Variants in CACNA1C observed in about 807,000 individuals in gnomAD.
CACNA1C encodes calcium voltage-gated channel subunit alpha1 C.
In CACNA1C, 30 loss-of-function variants were observed where a neutral mutation model predicts 229.0. That is an observed-to-expected ratio of 0.13 (90% CI 0.10 to 0.18). The LOEUF (loss-of-function observed/expected upper bound fraction) is 0.18. Ranked by LOEUF, CACNA1C falls within the 10% of genes least tolerant of loss-of-function variation. The probability of loss-of-function intolerance (pLI) is 1.00; values close to 1 mark genes in which losing one functional copy is unlikely to be tolerated. For missense variants in CACNA1C, 1,658 were observed against 2,845.0 expected, an observed-to-expected ratio of 0.58 and a Z score of 9.49; for synonymous variants, 1,114 against 1,132.5, an observed-to-expected ratio of 0.98 and a Z score of 0.33.
intron 5 of CACNA1C, among the ~76,000 whole-genome samples, chr12:2,475,364 G>A (rs115056034): frequency 1.2e-3 from 185 of 152,158 alleles, no homozygotes; most frequent in South Asian, 0.011. Flanking sequence ...ATATACACAA[G>A]GAGACAAAGT....
chr12:2,561,330 G>A (rs1327124337), intron 11 of CACNA1C, among the ~76,000 whole-genome samples: 1 of 152,124 alleles, frequency 6.6e-6, no homozygotes, highest in Non-Finnish European at 1.5e-5. Context: ...TGGTGGACCC[G>A]CCCAGCACTC....
chr12:2,172,609 C>G (rs1042564109), intron 3 of CACNA1C, among the ~76,000 whole-genome samples: 2 of 152,186 alleles, frequency 1.3e-5, no homozygotes, highest in South Asian at 2.1e-4. Context: ...AGATGGCATC[C>G]AACGTTAAGA....
intron 12 of CACNA1C, among the ~76,000 whole-genome samples, chr12:2,567,307 C>T (rs2051632073): frequency 6.6e-6 from 1 of 152,210 alleles, no homozygotes; most frequent in Non-Finnish European, 1.5e-5. Flanking sequence ...ACCATCCCCA[C>T]AGGCCTGCTA....
chr12:2,199,885 A>G (rs2097533967), intron 3 of CACNA1C, among the ~76,000 whole-genome samples: 2 of 152,170 alleles, frequency 1.3e-5, no homozygotes, highest in Admixed American at 1.3e-4. Flanking sequence ...TGGCTCAAAA[A>G]TAATACCAAT....
chr12:2,669,456 C>T (rs1369142236), intron 38 of CACNA1C, among the ~76,000 whole-genome samples: 2 of 152,230 alleles, frequency 1.3e-5, no homozygotes, highest in Non-Finnish European at 2.9e-5. Context: ...GACAAGCCTG[C>T]TCTAGCTTAT....
At chr12:2,672,743 A>C (rs957642695) in intron 38 of CACNA1C, among the ~76,000 whole-genome samples, 1 of 152,218 alleles carries the variant, frequency 6.6e-6, no homozygotes, top group East Asian at 1.9e-4. Context: ...TGAAAATCCT[A>C]TTTCCAACTA....
At chr12:2,578,148 G>C (rs1175511557) in intron 13 of CACNA1C, among the ~76,000 whole-genome samples, 1 of 152,200 alleles carries the variant, frequency 6.6e-6, no homozygotes, top group Admixed American at 6.5e-5. Context: ...GATTACAGGC[G>C]TGAGCCACCG....
intron 9 of CACNA1C, among the ~76,000 whole-genome samples, chr12:2,540,368 G>T (rs1465444683): frequency 3.9e-5 from 6 of 152,164 alleles, no homozygotes; most frequent in Non-Finnish European, 7.4e-5. Flanking sequence ...AGTCACAGGA[G>T]CTCAGAAGAG....
intron 3 of CACNA1C, among the ~76,000 whole-genome samples, chr12:2,142,631 G>A (rs2094352812): frequency 6.6e-6 from 1 of 151,220 alleles, no homozygotes; most frequent in Admixed American, 6.7e-5. Context: ...TATTTTCCCC[G>A]AAGACCTTCC....
At chr12:2,480,474 G>A (rs2099671313) in intron 5 of CACNA1C, among the ~76,000 whole-genome samples, 1 of 152,206 alleles carries the variant, frequency 6.6e-6, no homozygotes, top group African/African-American at 2.4e-5. Context: ...ATGTTTGGCT[G>A]CCTACAAGCT....
chr12:2,667,624 C>G (rs1394692274), intron 37 of CACNA1C, among the ~76,000 whole-genome samples: 1 of 152,164 alleles, frequency 6.6e-6, no homozygotes, highest in Non-Finnish European at 1.5e-5. Flanking sequence ...ATGCAAGGTA[C>G]AAACACCATG....
intron 3 of CACNA1C, among the ~76,000 whole-genome samples, chr12:2,331,062 C>T (rs1390516513): frequency 6.6e-6 from 1 of 152,068 alleles, no homozygotes; most frequent in Admixed American, 6.6e-5. Context: ...CCTTAATATC[C>T]ATATTTAAAT....
chr12:2,534,111 G>C (rs567908221), intron 9 of CACNA1C, among the ~76,000 whole-genome samples: 1 of 152,206 alleles, frequency 6.6e-6, no homozygotes, highest in Admixed American at 6.5e-5. Flanking sequence ...GAGTGGTGGG[G>C]ATGGAATTCC....
At chr12:2,126,302 C>T (rs2090033671) in intron 3 of CACNA1C, among the ~76,000 whole-genome samples, 1 of 152,164 alleles carries the variant, frequency 6.6e-6, no homozygotes, top group Non-Finnish European at 1.5e-5. Context: ...AGATTTAGTG[C>T]TGTTATTGGC....
At chr12:2,684,670 G>A (rs1343069933) in intron 43 of CACNA1C, among the ~76,000 whole-genome samples, 1 of 152,154 alleles carries the variant, frequency 6.6e-6, no homozygotes, top group African/African-American at 2.4e-5. Flanking sequence ...GGCGTTCAGA[G>A]AAAGTTGAGG....
intron 3 of CACNA1C, among the ~76,000 whole-genome samples, chr12:2,409,771 C>G (rs2098785250): frequency 1.3e-5 from 2 of 152,208 alleles, no homozygotes; most frequent in African/African-American, 4.8e-5. Context: ...ACCTGTGCTC[C>G]CTTGGTGCCT....
chr12:2,236,398 G>T (rs1259084161), intron 3 of CACNA1C, among the ~76,000 whole-genome samples: 1 of 152,210 alleles, frequency 6.6e-6, no homozygotes, highest in Non-Finnish European at 1.5e-5. Context: ...ACTGCATTTG[G>T]ATAGGGAGCT....
At position 2,267,119 on chromosome 12, in the gene CACNA1C, A is replaced by G. The variant is rs186993576; in HGVS notation, c.477+146689A>G. The stretch of plus-strand genomic sequence containing the variant: ...CTGTGAGAGCAGGGGTTCTACGGGT[A>G]TTGCCCGGCGCTGTGTTTCCAAAGC... On this transcript the variant is annotated intron_variant, in intron 3 of 46. Transcript: ENST00000399655. 3.1e-4 allele frequency among the ~76,000 whole-genome samples: 47 copies of G among 152,098 alleles called. No individual in the cohort carries two copies. In the East Asian group the frequency reaches 8.7e-3, roughly 28 times the overall value.
At chr12:2,462,351 T>C (rs1597077797) in intron 5 of CACNA1C, among the ~76,000 whole-genome samples, 1 of 148,846 alleles carries the variant, frequency 6.7e-6, no homozygotes, top group East Asian at 2.0e-4. Flanking sequence ...GGCTCAGCTC[T>C]CTGCACAGGC....
Sources: allele counts gnomAD v4.1 joint callset (sites outside exome capture counted in the v4.1 genomes callset), GRCh38; gene constraint gnomAD v4.1.1; transcripts MANE v1.5; gene names NCBI Gene and HGNC (gene_info 2026-07-23, HGNC 2026-07-21).